The following PDE4C variants were observed in gnomAD, a reference collection of about 807,000 sequenced individuals.
PDE4C encodes 3',5'-cyclic-AMP phosphodiesterase 4C.
In PDE4C, 50 loss-of-function variants were observed where a neutral mutation model predicts 63.9. The ratio of observed to expected loss-of-function variants is 0.78; its 90% CI spans 0.62 to 0.99. PDE4C has a LOEUF of 0.99. PDE4C is among the 50% of genes least tolerant of loss of function. The pLI is 0.00. For missense variants in PDE4C, 777 were observed against 899.1 expected (o/e 0.86, Z 1.74); for synonymous variants, 377 against 385.1 (o/e 0.98, Z 0.25).
chr19:18,213,400 G>C, exon 13 of PDE4C: 1 of 1,613,906 alleles, frequency 6.2e-7, no homozygotes, highest in Non-Finnish European at 8.5e-7. Flanking sequence ...TCCAGGAGGA[G>C]GACACCGAGG....
chr19:18,240,867 T>C (rs1969024431), intron 1 of PDE4C, among the ~76,000 whole-genome samples: 1 of 152,218 alleles, frequency 6.6e-6, no homozygotes, highest in South Asian at 2.1e-4. Context: ...GGATGCAACA[T>C]AGCTCATTTC....
Position 18,220,622 on chromosome 19 carries a change from G to T in PDE4C, c.500-107C>A, listed in dbSNP as rs779600971. 1 of 1,021,762 alleles carries T rather than the reference G, an allele frequency of 9.8e-7. No individual in the cohort carries two copies. The highest frequency in any genetic ancestry group is 2.6e-5 in the East Asian group (1 of 38,572). The allele number at this position is 1,021,762 out of a possible 1,614,324, so 63.3% of individuals were successfully genotyped here. A position where few individuals can be genotyped will look rare whatever the true frequency, so the allele number is the denominator to read the frequency against. ...GGACCCTGAAACTGTTCCCACGGGG[G>T]CCACCCAGGACTCCTGGACCCAAGT... On this transcript the variant is annotated intron_variant, in intron 5 of 14. Transcript: ENST00000262805. The surrounding 1 kb of genome is among the most constrained non-coding windows in gnomAD (Gnocchi z 5.1).
At chr19:18,253,563 A>AACAC in the PDE4C span, among the ~76,000 whole-genome samples, 3,684 of 141,720 alleles carry the variant, frequency 0.026, 59 homozygotes, top group African/African-American at 0.033. Context: ...AAAAAAAAAA[A>AACAC]ACACACACAC....
At chr19:18,232,374 CGTGTGTGT>C (rs4006742) in intron 1 of PDE4C, among the ~76,000 whole-genome samples, 1 of 149,848 alleles carries the variant, frequency 6.7e-6, no homozygotes, top group Non-Finnish European at 1.5e-5. Context: ...AAAATAAAAA[CGTGTGTGT>C]GTGTGTGTGT....
chr19:18,225,046 G>C (rs1156804777), intron 1 of PDE4C, among the ~76,000 whole-genome samples: 1 of 152,240 alleles, frequency 6.6e-6, no homozygotes, highest in Non-Finnish European at 1.5e-5. Flanking sequence ...GGGCGCGGAG[G>C]GTTAAGGACT....
At position 18,221,304 on chromosome 19, in the gene PDE4C, G is replaced by C. The variant is rs1425454976; in HGVS notation, c.339-7C>G. On this transcript the variant is annotated splice_region_variant and splice_polypyrimidine_tract_variant and intron_variant, in intron 2 of 14. Coordinates refer to ENST00000262805, the Ensembl canonical transcript of PDE4C. ...AATCATGTCCTCTCCATGTCTGCGAGGAGACGGGCCATCAGGGAGAGCTCT... is the reference window on the plus strand; with the variant it reads ...AATCATGTCCTCTCCATGTCTGCGACGAGACGGGCCATCAGGGAGAGCTCT... 15 of 1,540,784 alleles carry C rather than the reference G, an allele frequency of 9.7e-6. No homozygotes were observed. The Admixed American group carries it at 3.4e-4, about 35-fold the overall frequency.
intron 1 of PDE4C, among the ~76,000 whole-genome samples, chr19:18,223,933 C>T (rs904620317): frequency 2.6e-5 from 4 of 152,238 alleles, no homozygotes; most frequent in African/African-American, 9.6e-5. Context: ...GTTCCAGGCT[C>T]CACCCTCAGC....
upstream of PDE4C, among the ~76,000 whole-genome samples, chr19:18,250,773 ATTT>A (rs571142608): frequency 1.3e-4 from 16 of 124,598 alleles, no homozygotes; most frequent in African/African-American, 2.0e-4. Context: ...TGCCTGGACA[ATTT>A]TTTTTTTTTT....
intron 11 of PDE4C, among the ~76,000 whole-genome samples, chr19:18,217,509 C>T (rs1233620459): frequency 2.6e-5 from 4 of 152,114 alleles, no homozygotes; most frequent in Non-Finnish European, 2.9e-5. Flanking sequence ...CCACTCTCAC[C>T]CCCAGCACTC....
chr19:18,208,498 C>A (rs1006816740), downstream of PDE4C: 4 of 150,376 alleles, frequency 2.7e-5, no homozygotes, highest in Admixed American at 2.0e-4. Context: ...GACAAGCGCG[C>A]CCCGCCGTGT....
intron 12 of PDE4C, among the ~76,000 whole-genome samples, chr19:18,214,676 C>T (rs1157184558): frequency 6.6e-6 from 1 of 152,020 alleles, no homozygotes; most frequent in Non-Finnish European, 1.5e-5. Flanking sequence ...CAGCCGGGCG[C>T]CGTGGCTCAC....
chr19:18,220,826 A>G lies in PDE4C; in HGVS notation c.499+48T>C. 2 of 1,565,202 alleles carry G rather than the reference A, an allele frequency of 1.3e-6. No individual in the cohort carries two copies. The highest frequency in any genetic ancestry group is 1.7e-6 in the Non-Finnish European group (2 of 1,145,820). ...GACTGGGGAGGTCACTATGGAAAGG[A>G]AGCTCCCAGCTGTCCTCAGCGGGGG... On this transcript the variant is annotated intron_variant, in intron 5 of 14. Transcript: ENST00000262805. This position sits in a 1 kb window ranked among gnomAD's most constrained non-coding sequence, Gnocchi z 5.1.
intron 1 of PDE4C, among the ~76,000 whole-genome samples, chr19:18,240,436 A>AAC (rs898731528): frequency 2.7e-5 from 4 of 150,044 alleles, no homozygotes; most frequent in African/African-American, 7.4e-5. Context: ...AAAAAAAAAA[A>AAC]AAAAAACGGG....
intron 12 of PDE4C, 151 bp from the exon 13 acceptor site, chr19:18,213,641 G>T: frequency 2.2e-6 from 2 of 928,604 alleles, no homozygotes; most frequent in Non-Finnish European, 3.1e-6. Context: ...TGCATTCACT[G>T]CAAACTCTGC....
At chr19:18,233,980 A>T (rs1968904535), upstream of PDE4C, among the ~76,000 whole-genome samples, 1 of 152,184 alleles carries the variant, frequency 6.6e-6, no homozygotes, top group Admixed American at 6.5e-5. Context: ...ACCCCCACCC[A>T]TGCCAGGCAG....
At chr19:18,242,803 A>AC (rs398034153) in intron 1 of PDE4C, among the ~76,000 whole-genome samples, 2,476 of 148,252 alleles carry the variant, frequency 0.017, 80 homozygotes, top group African/African-American at 0.059. Flanking sequence ...AAAAAAAAAA[A>AC]GGGAATTGGG....
chr19:18,239,426 T>C (rs1969003380), intron 1 of PDE4C, among the ~76,000 whole-genome samples: 1 of 152,156 alleles, frequency 6.6e-6, no homozygotes, highest in African/African-American at 2.4e-5. Flanking sequence ...CCAGGCCACG[T>C]GGTCCAGGGC....
chr19:18,232,928 G>T, intron 1 of PDE4C: 1 of 1,425,206 alleles, frequency 7.0e-7, no homozygotes, highest in Non-Finnish European at 9.2e-7. Flanking sequence ...CGCTGCAGGA[G>T]GCCCCTGCCC....
chr19:18,232,135 C>T (rs913499089), intron 1 of PDE4C, among the ~76,000 whole-genome samples: 1 of 151,968 alleles, frequency 6.6e-6, no homozygotes, highest in Non-Finnish European at 1.5e-5. Context: ...GAGACTAAGG[C>T]GGGAGGATTA....
Sources: gnomAD v4.1 joint callset for allele counts (sites outside exome capture counted in the v4.1 genomes callset) on GRCh38, gnomAD v4.1.1 for gene constraint, Gnocchi (gnomAD v3.1) non-coding constraint, MANE v1.5 for transcripts, NCBI Gene and HGNC (gene_info 2026-07-23, HGNC 2026-07-21) for gene names.